SYN3: variants seen among roughly 807,000 people sequenced by gnomAD.
The protein encoded by SYN3 is synapsin III.
SYN3 carries 35 observed loss-of-function variants against 65.8 expected under a neutral mutation model. That is an observed-to-expected ratio of 0.53 (90% CI 0.41 to 0.70). SYN3 has a LOEUF of 0.70. SYN3 is among the 30% of genes least tolerant of loss of function. The pLI is 0.00. For missense variants in SYN3, 680 were observed against 749.0 expected, an observed-to-expected ratio of 0.91 and a Z score of 1.08; for synonymous variants, 270 against 292.9, an observed-to-expected ratio of 0.92 and a Z score of 0.80.
At chr22:33,019,288 T>A (rs2053522619) in intron 1 of SYN3, among the ~76,000 whole-genome samples, 1 of 152,218 alleles carries the variant, frequency 6.6e-6, no homozygotes, top group African/African-American at 2.4e-5. Context: ...TGTATATACT[T>A]TTCCCTCTGC....
chr22:33,027,960 T>C (rs952745386), intron 1 of SYN3, among the ~76,000 whole-genome samples: 1 of 152,208 alleles, frequency 6.6e-6, no homozygotes, highest in Admixed American at 6.5e-5. Flanking sequence ...CAAACGCTTA[T>C]CAACACTCTT....
At chr22:32,995,343 A>G (rs2052847059) in intron 2 of SYN3, among the ~76,000 whole-genome samples, 1 of 152,214 alleles carries the variant, frequency 6.6e-6, no homozygotes, top group South Asian at 2.1e-4. Context: ...TTTCCATCCA[A>G]TCCAAATTTC....
chr22:32,944,370 GTT>G (rs1601750934), intron 3 of SYN3, among the ~76,000 whole-genome samples: 2 of 152,260 alleles, frequency 1.3e-5, no homozygotes, highest in East Asian at 3.9e-4. Context: ...TTCATCCCTG[GTT>G]GCAAGGCTGG....
At chr22:32,565,111 G>GTGCTCCCAGACTGTACACAA (rs2058653365) in intron 7 of SYN3, among the ~76,000 whole-genome samples, 1 of 82,448 alleles carries the variant, frequency 1.2e-5, no homozygotes, top group African/African-American at 4.8e-5. Flanking sequence ...ACTGCACCCA[G>GTGCTCCCAGACTGTACACAA]ACAGTGCTCC....
chr22:32,603,205 T>C (rs1355507404), intron 6 of SYN3, among the ~76,000 whole-genome samples: 1 of 152,030 alleles, frequency 6.6e-6, no homozygotes, highest in African/African-American at 2.4e-5. Context: ...CCCTCCCCCA[T>C]GTTATAGATA....
chr22:33,038,247 G>C (rs1009077898), intron 1 of SYN3, among the ~76,000 whole-genome samples: 4 of 152,222 alleles, frequency 2.6e-5, no homozygotes, highest in Non-Finnish European at 5.9e-5. Context: ...CATAGGCAGA[G>C]GGAAGCAGAG....
At chr22:32,909,227 G>A (rs1004575985) in intron 4 of SYN3, among the ~76,000 whole-genome samples, 3 of 152,208 alleles carry the variant, frequency 2.0e-5, no homozygotes, top group South Asian at 2.1e-4. Context: ...TCTTCTGGCT[G>A]TGGACATAAC....
chr22:32,859,315 T>TGCAGCTGGTACC, intron 6 of SYN3: 2 of 1,614,114 alleles, frequency 1.2e-6, no homozygotes, highest in Non-Finnish European at 1.7e-6. Context: ...GGGCGGCTAC[T>TGCAGCTGGTACC]GCAGCTGGTA....
chr22:32,572,383 TTTCC>T (rs1398406182), intron 7 of SYN3, among the ~76,000 whole-genome samples: 9 of 79,422 alleles, frequency 1.1e-4, no homozygotes, highest in African/African-American at 1.4e-4. Context: ...CCCTCCCATC[TTTCC>T]TTCCTTCCCT....
At chr22:33,048,750 T>A (rs1027145755) in intron 1 of SYN3, among the ~76,000 whole-genome samples, 3 of 152,202 alleles carry the variant, frequency 2.0e-5, no homozygotes, top group African/African-American at 4.8e-5. Flanking sequence ...CTTTTCTTTA[T>A]AAATTACCCA....
chr22:33,025,384 G>A (rs1485646186), intron 1 of SYN3, among the ~76,000 whole-genome samples: 6 of 150,446 alleles, frequency 4.0e-5, no homozygotes, highest in Non-Finnish European at 7.4e-5. Flanking sequence ...AACCCAGGAG[G>A]TGGAGGTTGC....
At chr22:32,737,118 G>A (rs889375963) in intron 6 of SYN3, among the ~76,000 whole-genome samples, 2 of 152,168 alleles carry the variant, frequency 1.3e-5, no homozygotes, top group Non-Finnish European at 2.9e-5. Context: ...AATTGGAGCT[G>A]AGCTCCCAAT....
chr22:32,998,474 T>C (rs776381465), intron 2 of SYN3, among the ~76,000 whole-genome samples: 1 of 152,056 alleles, frequency 6.6e-6, no homozygotes, highest in South Asian at 2.1e-4. Flanking sequence ...CAATAGATCA[T>C]TGCGGAAATG....
At chr22:32,576,848 G>A (rs772400307) in intron 7 of SYN3, among the ~76,000 whole-genome samples, 5 of 144,166 alleles carry the variant, frequency 3.5e-5, no homozygotes, top group African/African-American at 7.8e-5. Context: ...CTGCCAGGAC[G>A]CCTTTTTTCC....
intron 6 of SYN3, among the ~76,000 whole-genome samples, chr22:32,750,111 C>G (rs764404275): frequency 8.5e-5 from 13 of 152,082 alleles, no homozygotes; most frequent in African/African-American, 3.1e-4. Context: ...TGAATAAGAT[C>G]GATGTGGTTG....
chr22:33,035,631 T>C (rs535729785), intron 1 of SYN3, among the ~76,000 whole-genome samples: 2 of 152,320 alleles, frequency 1.3e-5, no homozygotes, highest in South Asian at 4.2e-4. Flanking sequence ...CAGGCTGGAG[T>C]GCAGTAGCAC....
chr22:32,938,667 TTG>T (rs1426433009), intron 3 of SYN3, among the ~76,000 whole-genome samples: 1 of 150,212 alleles, frequency 6.7e-6, no homozygotes, highest in African/African-American at 2.4e-5. Context: ...TGGCTCATGT[TTG>T]TAATCCCAGC....
chr22:32,721,537 T>G (rs527930374), intron 6 of SYN3, among the ~76,000 whole-genome samples: 2 of 152,368 alleles, frequency 1.3e-5, no homozygotes, highest in East Asian at 1.9e-4. Context: ...CATTCTCCTT[T>G]ATTTTATCAA....
Position 32,679,839 on chromosome 22 carries a change from C to CTTTTTTTTTTTTTTTTTTT in SYN3, c.712-83122_712-83104dup, listed in dbSNP as rs747116076. On this transcript the variant is annotated intron_variant, in intron 6 of 13. Transcript: ENST00000358763. ...AAACTGGGTGAGGTTTGTTTTTTGGCTTTTTTTTTTTTTTTTTTTGCTATT... is the reference window on the plus strand; with the variant it reads ...AAACTGGGTGAGGTTTGTTTTTTGGCTTTTTTTTTTTTTTTTTTTTTTTTTTTTTTTTTTTTTTGCTATT... Among the ~76,000 whole-genome samples, 273 of 39,116 alleles carry CTTTTTTTTTTTTTTTTTTT rather than the reference C, an allele frequency of 7.0e-3. 43 individuals carry two copies. The highest frequency in any genetic ancestry group is 9.5e-3 in the Non-Finnish European group (205 of 21,540). The allele number at this position is 39,116 out of a possible 152,430, so 25.7% of individuals were successfully genotyped here.
Sources: allele counts gnomAD v4.1 joint callset (sites outside exome capture counted in the v4.1 genomes callset), GRCh38; gene constraint gnomAD v4.1.1; transcripts MANE v1.5; gene names NCBI Gene and HGNC (gene_info 2026-07-23, HGNC 2026-07-21).